The following KSR2 variants were observed in gnomAD, a reference collection of about 807,000 sequenced individuals.
The protein encoded by KSR2 is kinase suppressor of ras 2.
KSR2 carries 25 observed loss-of-function variants against 107.8 expected under a neutral mutation model. The observed-to-expected ratio is 0.23, with a 90% CI of 0.17 to 0.32. The LOEUF (loss-of-function observed/expected upper bound fraction) is 0.32, where lower values mean the gene tolerates loss of function less well. KSR2 is among the 10% of genes least tolerant of loss of function. The pLI is 1.00. For synonymous variants in KSR2, 480 were observed against 507.0 expected (o/e 0.95, Z 0.71); for missense variants, 887 against 1,268.9 (o/e 0.70, Z 4.57).
chr12:117,787,862 T>C (rs933199093), intron 3 of KSR2, among the ~76,000 whole-genome samples: 3 of 152,208 alleles, frequency 2.0e-5, no homozygotes, highest in Non-Finnish European at 4.4e-5. Context: ...AGAGATAAAC[T>C]ACACCACACC....
chr12:117,709,065 T>C (rs888207267), intron 4 of KSR2, among the ~76,000 whole-genome samples: 1 of 152,142 alleles, frequency 6.6e-6, no homozygotes, highest in African/African-American at 2.4e-5. Context: ...TTTGTCCTTA[T>C]AATCTCCCCA....
At chr12:117,928,815 A>T (rs1029222353) in intron 1 of KSR2, among the ~76,000 whole-genome samples, 2 of 152,178 alleles carry the variant, frequency 1.3e-5, no homozygotes, top group Admixed American at 6.5e-5. Flanking sequence ...TTCACATTTA[A>T]TCATTTCAAC....
chr12:117,895,252 T>C (rs1894476037), intron 1 of KSR2, among the ~76,000 whole-genome samples: 1 of 151,800 alleles, frequency 6.6e-6, no homozygotes, highest in African/African-American at 2.4e-5. Flanking sequence ...CTATATAAAA[T>C]ATATATTACC....
intron 1 of KSR2, among the ~76,000 whole-genome samples, chr12:117,939,199 G>A (rs956410859): frequency 6.6e-6 from 1 of 152,204 alleles, no homozygotes; most frequent in African/African-American, 2.4e-5. Flanking sequence ...TTGTTGGTAT[G>A]ACAATAGCAC....
intron 1 of KSR2, among the ~76,000 whole-genome samples, chr12:117,956,118 C>T (rs1017135005): frequency 1.4e-4 from 21 of 151,330 alleles, no homozygotes; most frequent in African/African-American, 2.7e-4. Context: ...GGCGTGGTGG[C>T]GGGCGCCTGT....
intron 3 of KSR2, among the ~76,000 whole-genome samples, chr12:117,837,827 G>T (rs977792566): frequency 6.6e-6 from 1 of 152,194 alleles, no homozygotes; most frequent in Non-Finnish European, 1.5e-5. Context: ...GCTGATGTTG[G>T]GGGTAGGGAA....
At chr12:117,566,420 T>G (rs1431664066) in intron 7 of KSR2, among the ~76,000 whole-genome samples, 1 of 152,186 alleles carries the variant, frequency 6.6e-6, no homozygotes. Context: ...GCGCCTGGCC[T>G]GCCCCCCTCT....
At chr12:117,527,950 AGTGTGTGTGTGTGTGTGTGTGTGT>A (rs10664320) in intron 12 of KSR2, among the ~76,000 whole-genome samples, 2 of 142,618 alleles carry the variant, frequency 1.4e-5, no homozygotes, top group Admixed American at 7.0e-5. Context: ...GGAAGACACA[AGTGTGTGTGTGTGTGTGTGTGTGT>A]GTGTGTGTGT....
chr12:117,532,831 A>G (rs1472893261), intron 10 of KSR2, among the ~76,000 whole-genome samples: 1 of 152,194 alleles, frequency 6.6e-6, no homozygotes, highest in African/African-American at 2.4e-5. Flanking sequence ...GTAAATGAAG[A>G]GGGCAGGGAT....
At chr12:117,572,480 T>C (rs1297159859) in intron 7 of KSR2, among the ~76,000 whole-genome samples, 1 of 152,106 alleles carries the variant, frequency 6.6e-6, no homozygotes, top group East Asian at 1.9e-4. Flanking sequence ...TGACAGTGAC[T>C]GTGAGCATCT....
At chr12:117,902,495 T>TAAAAAA (rs35386887) in intron 1 of KSR2, among the ~76,000 whole-genome samples, 1 of 102,516 alleles carries the variant, frequency 9.8e-6, no homozygotes. Flanking sequence ...GACTCTGTCT[T>TAAAAAA]AAAAAAAAAA....
chr12:117,473,813 C>T (rs980277031), intron 17 of KSR2, among the ~76,000 whole-genome samples: 3 of 152,166 alleles, frequency 2.0e-5, no homozygotes, highest in African/African-American at 7.2e-5. Context: ...CTCTAGAGTA[C>T]AGGATATTCC....
intron 3 of KSR2, among the ~76,000 whole-genome samples, chr12:117,847,587 A>T (rs1008260700): frequency 6.6e-6 from 1 of 152,180 alleles, no homozygotes; most frequent in Non-Finnish European, 1.5e-5. Context: ...TCGACTCTGC[A>T]GCCAGAGTGT....
intron 4 of KSR2, among the ~76,000 whole-genome samples, chr12:117,713,095 G>T (rs1288518601): frequency 6.7e-6 from 1 of 149,682 alleles, no homozygotes; most frequent in Non-Finnish European, 1.5e-5. Context: ...GATATAGATA[G>T]ATATTTGGAT....
At chr12:117,779,965 C>T (rs559973082) in intron 3 of KSR2, among the ~76,000 whole-genome samples, 2 of 152,292 alleles carry the variant, frequency 1.3e-5, no homozygotes, top group South Asian at 4.2e-4. Flanking sequence ...CCTACTTATA[C>T]ACCAGGTACT....
intron 14 of KSR2, among the ~76,000 whole-genome samples, chr12:117,519,576 G>T (rs1263056847): frequency 2.0e-5 from 3 of 152,114 alleles, no homozygotes; most frequent in Admixed American, 2.0e-4. Flanking sequence ...GGGGTGACGT[G>T]GGGGCTTCTG....
chr12:117,469,575 G>A (rs919078940), intron 19 of KSR2, 87 bp downstream of exon 19: 38 of 1,463,572 alleles, frequency 2.6e-5, no homozygotes, highest in Middle Eastern at 1.8e-4. Flanking sequence ...GTTGGGGGAG[G>A]AGTAAAAAAG....
chr12:117,914,217 C>T (rs1895109588), intron 1 of KSR2, among the ~76,000 whole-genome samples: 1 of 151,946 alleles, frequency 6.6e-6, no homozygotes, highest in East Asian at 1.9e-4. Context: ...TTGCTCGAGC[C>T]CAGGAGTTTG....
chr12:117,934,225 T>C (rs1161350073), intron 1 of KSR2, among the ~76,000 whole-genome samples: 1 of 152,190 alleles, frequency 6.6e-6, no homozygotes, highest in Non-Finnish European at 1.5e-5. Flanking sequence ...AGAACATCCC[T>C]GCTTGGTCCA....
Sources: gnomAD v4.1 joint callset for allele counts (sites outside exome capture counted in the v4.1 genomes callset) on GRCh38, gnomAD v4.1.1 for gene constraint, MANE v1.5 for transcripts, NCBI Gene and HGNC (gene_info 2026-07-23, HGNC 2026-07-21) for gene names.